CNOT4: variants seen among roughly 807,000 people sequenced by gnomAD.
CNOT4 encodes the protein CCR4-NOT transcription complex subunit 4.
CNOT4 carries 8 observed loss-of-function variants against 73.8 expected under a neutral mutation model. The ratio of observed to expected loss-of-function variants is 0.11; its 90% CI spans 0.06 to 0.20. The LOEUF (loss-of-function observed/expected upper bound fraction) is 0.20, where lower values mean the gene tolerates loss of function less well. Ranked by LOEUF, CNOT4 falls within the 10% of genes least tolerant of loss-of-function variation. The pLI is 1.00. For missense variants in CNOT4, 564 were observed against 883.4 expected (o/e 0.64, Z 4.58); for synonymous variants, 293 against 321.1 (o/e 0.91, Z 0.94).
intron 7 of CNOT4, among the ~76,000 whole-genome samples, chr7:135,400,396 AG>A (rs1254314347): frequency 6.6e-6 from 1 of 152,086 alleles, no homozygotes; most frequent in Non-Finnish European, 1.5e-5. Flanking sequence ...TATGGTAATA[AG>A]GGCTTCAAGC....
At chr7:135,400,433 CA>C (rs1392676051) in intron 7 of CNOT4, among the ~76,000 whole-genome samples, 8 of 151,960 alleles carry the variant, frequency 5.3e-5, no homozygotes, top group Non-Finnish European at 1.0e-4. Context: ...GTAACAGAAA[CA>C]AAAGGCTAAA....
chr7:135,494,963 T>C (rs541430002), intron 1 of CNOT4, among the ~76,000 whole-genome samples: 8 of 152,320 alleles, frequency 5.3e-5, no homozygotes, highest in East Asian at 1.9e-4. Flanking sequence ...TTATGAAACA[T>C]TTACCACATA....
chr7:135,420,082 T>C (rs2129484433), intron 3 of CNOT4, among the ~76,000 whole-genome samples: 1 of 150,596 alleles, frequency 6.6e-6, no homozygotes, highest in South Asian at 2.1e-4. Context: ...CCCAAAGAGG[T>C]AGGAAACTTA....
At chr7:135,412,478 C>CA (rs1797639213) in intron 6 of CNOT4, among the ~76,000 whole-genome samples, 1 of 151,498 alleles carries the variant, frequency 6.6e-6, no homozygotes, top group African/African-American at 2.4e-5. Context: ...AAAAAACAAA[C>CA]AAAAAAAGCA....
At chr7:135,410,991 A>G (rs906748509) in intron 6 of CNOT4, among the ~76,000 whole-genome samples, 3 of 151,938 alleles carry the variant, frequency 2.0e-5, no homozygotes, top group Non-Finnish European at 4.4e-5. Flanking sequence ...GGTCCACTTT[A>G]AACCTACTTC....
chr7:135,510,066 G>A lies in CNOT4; in HGVS notation c.-270C>T, dbSNP rs928513480. 20 of 399,056 alleles carry A rather than the reference G, an allele frequency of 5.0e-5. No homozygotes were observed. Among genetic ancestry groups the A allele is most frequent in the African/African-American group, 2.9e-4 (14 of 48,634 alleles). The allele number at this position is 399,056 out of a possible 1,614,324, so 24.7% of individuals were successfully genotyped here. A position where few individuals can be genotyped will look rare whatever the true frequency, so the allele number is the denominator to read the frequency against. ...CAGCTTTCGGTGGGTTCCACAGCCA[G>A]ACGGGCCACCATCTTACATTAGGGT... On this transcript the variant is annotated 5_prime_UTR_variant, in exon 1 of 12. Transcript: ENST00000541284.
At chr7:135,365,790 G>A (rs1354171382) in intron 10 of CNOT4, among the ~76,000 whole-genome samples, 3 of 152,174 alleles carry the variant, frequency 2.0e-5, no homozygotes, top group African/African-American at 4.8e-5. Flanking sequence ...ACTAAAGGAA[G>A]AAACTGGACT....
chr7:135,472,170 C>G (rs1801626246), intron 1 of CNOT4, among the ~76,000 whole-genome samples: 1 of 149,618 alleles, frequency 6.7e-6, no homozygotes, highest in Non-Finnish European at 1.5e-5. Flanking sequence ...AAGACCCTAT[C>G]TCAAAAATAC....
intron 1 of CNOT4, among the ~76,000 whole-genome samples, chr7:135,454,851 T>A (rs1163211080): frequency 1.3e-5 from 2 of 152,050 alleles, no homozygotes; most frequent in African/African-American, 4.8e-5. Flanking sequence ...GCCACTTCAC[T>A]CCAGCCTGTG....
intron 1 of CNOT4, among the ~76,000 whole-genome samples, chr7:135,449,591 T>TA (rs1273349166): frequency 6.6e-6 from 1 of 151,974 alleles, no homozygotes; most frequent in East Asian, 1.9e-4. Context: ...ATGGAATAAT[T>TA]AGAGTAACAG....
chr7:135,493,129 T>C (rs1163059304), intron 1 of CNOT4, among the ~76,000 whole-genome samples: 1 of 152,140 alleles, frequency 6.6e-6, no homozygotes, highest in African/African-American at 2.4e-5. Flanking sequence ...GGAACCAGGC[T>C]CCCTCTTGAC....
intron 1 of CNOT4, among the ~76,000 whole-genome samples, chr7:135,459,982 G>A (rs1800775592): frequency 6.6e-6 from 1 of 152,190 alleles, no homozygotes; most frequent in Admixed American, 6.5e-5. Context: ...TTATGGAAAT[G>A]GCTTCCTTCC....
chr7:135,376,764 G>C (rs534229813), intron 10 of CNOT4, among the ~76,000 whole-genome samples: 1 of 152,172 alleles, frequency 6.6e-6, no homozygotes, highest in East Asian at 1.9e-4. Context: ...TATCAGCATC[G>C]AATTGTCTTA....
chr7:135,459,427 C>A (rs900075400), intron 1 of CNOT4, among the ~76,000 whole-genome samples: 2 of 152,158 alleles, frequency 1.3e-5, no homozygotes, highest in African/African-American at 2.4e-5. Context: ...AAATCCTAGA[C>A]CTCTTTCAAA....
chr7:135,402,009 T>C (rs1409762805), intron 7 of CNOT4, among the ~76,000 whole-genome samples: 2 of 152,046 alleles, frequency 1.3e-5, no homozygotes, highest in African/African-American at 2.4e-5. Context: ...TCCCTGTACA[T>C]AAAAATTCAA....
At chr7:135,392,834 T>C (rs57403251) in intron 10 of CNOT4, among the ~76,000 whole-genome samples, 5,357 of 152,242 alleles carry the variant, frequency 0.035, 323 homozygotes, top group African/African-American at 0.12. Context: ...GGAACAGGGA[T>C]AAAGAACTTT....
chr7:135,496,500 A>T (rs1389787459), intron 1 of CNOT4, among the ~76,000 whole-genome samples: 1 of 152,138 alleles, frequency 6.6e-6, no homozygotes, highest in Non-Finnish European at 1.5e-5. Flanking sequence ...CCCTCACACC[A>T]CCAAGCCAAA....
intron 10 of CNOT4, among the ~76,000 whole-genome samples, chr7:135,368,222 A>G (rs928641697): frequency 3.3e-5 from 5 of 152,182 alleles, no homozygotes; most frequent in African/African-American, 1.2e-4. Flanking sequence ...AATTATAGTT[A>G]AAATTCTGCT....
At chr7:135,457,371 C>G (rs1209936750) in intron 1 of CNOT4, among the ~76,000 whole-genome samples, 1 of 151,884 alleles carries the variant, frequency 6.6e-6, no homozygotes, top group Non-Finnish European at 1.5e-5. Flanking sequence ...TATGATTTGG[C>G]TAAGTCAAAA....
Sources: gnomAD v4.1 joint callset for allele counts (sites outside exome capture counted in the v4.1 genomes callset) on GRCh38, gnomAD v4.1.1 for gene constraint, MANE v1.5 for transcripts, NCBI Gene and HGNC (gene_info 2026-07-23, HGNC 2026-07-21) for gene names.